Variants in BPIFA1 observed in about 807,000 individuals in gnomAD.
The protein encoded by BPIFA1 is BPI fold containing family A member 1, also known as BPI fold-containing family A member 1.
A neutral mutation model predicts 25.1 loss-of-function variants in BPIFA1; 24 were observed. That is an observed-to-expected ratio of 0.96 (90% confidence interval 0.69 to 1.35). The LOEUF is 1.35. BPIFA1 is among the 40% of genes most tolerant of loss of function. BPIFA1 has a pLI of 0.00. For synonymous variants in BPIFA1, 139 were observed against 131.8 expected, an observed-to-expected ratio of 1.05 and a Z score of -0.37; for missense variants, 344 against 303.7, an observed-to-expected ratio of 1.13 and a Z score of -0.99.
intron 6 of BPIFA1, 138 bp downstream of exon 6, chr20:33,241,607 C>A: frequency 1.3e-6 from 1 of 766,828 alleles, no homozygotes; most frequent in South Asian, 1.6e-5. Flanking sequence ...GTCCATTGAT[C>A]CATCTGTCCA....
chr20:33,237,187 C>T (rs112743405), intron 1 of BPIFA1, among the ~76,000 whole-genome samples: 2,400 of 152,218 alleles, frequency 0.016, 37 homozygotes, highest in African/African-American at 0.038. Context: ...CTCTGTCCAC[C>T]GTGTACTTGT....
chr20:33,239,958 C>A (rs1978879493), intron 4 of BPIFA1, 48 bp downstream of exon 4: 3 of 1,553,040 alleles, frequency 1.9e-6, no homozygotes, highest in African/African-American at 2.7e-5. Flanking sequence ...CCGAGGGAGA[C>A]CCTGGTGACC....
At chr20:33,237,634 C>A (rs1480408056) in intron 1 of BPIFA1, 63 bp from the exon 2 acceptor site, 1 of 1,286,922 alleles carries the variant, frequency 7.8e-7, no homozygotes, top group African/African-American at 1.6e-5. Context: ...GGTGTCAGGG[C>A]AGGTGGTGGA....
rs754843094 is a variant in BPIFA1, at chr20:33,239,805, T to A, written c.323T>A (p.Ile108Lys). The change falls in exon 4 of 9, where the codon ATA (isoleucine) becomes AAA (lysine). Residue 108 changes from isoleucine to lysine, a missense_variant and splice_region_variant. Transcript: ENST00000354297. The stretch of plus-strand genomic sequence containing the variant: ...CTCCAATATTACTCCCTGGACAGCA[T>A]AAAGGTCACTGACCCCCAGCTGCTG... The part of the protein sequence containing the change: ...VIPGLNNIID[I>K]KVTDPQLLEL... The A allele has an allele frequency of 5.0e-6, 8 of 1,613,836 alleles. No individual in the cohort carries two copies. In the South Asian group the frequency reaches 5.5e-5, roughly 11 times the overall value.
At chr20:33,242,702 A>T in intron 8 of BPIFA1, 141 bp downstream of exon 8, 2 of 650,994 alleles carry the variant, frequency 3.1e-6, no homozygotes, top group Admixed American at 5.6e-5. Context: ...GCACAGAGAA[A>T]TCCACAGAAA....
At chr20:33,239,002 A>G (rs1359255201) in intron 3 of BPIFA1, among the ~76,000 whole-genome samples, 1 of 152,154 alleles carries the variant, frequency 6.6e-6, no homozygotes, top group East Asian at 1.9e-4. Flanking sequence ...CCATCTGTAA[A>G]ATATAGATTA....
intron 3 of BPIFA1, among the ~76,000 whole-genome samples, chr20:33,239,395 C>G (rs570993974): frequency 2.6e-4 from 40 of 152,196 alleles, no homozygotes; most frequent in Non-Finnish European, 4.3e-4. Flanking sequence ...GTTATCCATC[C>G]TTCTACCTAA....
chr20:33,242,131 C>A lies in BPIFA1; in HGVS notation c.730+12C>A. 6.2e-7 allele frequency: 1 copy of A among 1,613,186 alleles called. No homozygotes were observed. The highest frequency in any genetic ancestry group is 8.5e-7 in the Non-Finnish European group (1 of 1,179,116). On this transcript the variant is annotated intron_variant, in intron 7 of 8. Coordinates refer to ENST00000354297, the MANE Select transcript of BPIFA1 (RefSeq NM_130852.3). The stretch of plus-strand genomic sequence containing the variant: ...GCATGACATTGTTAGTAAGTACCTG[C>A]TTTCAAGCCCTCTGTCCCTCTCTGC...
At chr20:33,241,285 T>C in intron 5 of BPIFA1, 100 bp from the exon 6 acceptor site, 2 of 1,125,694 alleles carry the variant, frequency 1.8e-6, no homozygotes, top group Non-Finnish European at 2.7e-6. Context: ...TCGGCTTTAG[T>C]GACTGAGTGT....
chr20:33,236,522 C>T (rs1057396157), intron 1 of BPIFA1, among the ~76,000 whole-genome samples: 2 of 152,140 alleles, frequency 1.3e-5, no homozygotes, highest in Non-Finnish European at 2.9e-5. Context: ...CAGCCTTCCA[C>T]CACAAGGATG....
In BPIFA1 at chr20:33,238,121, T is replaced by G; in HGVS notation, c.227T>G (p.Ile76Ser). ...GILENLPLLD[I>S]LKPGGGTSGG... ...CTGGAAAACCTTCCGCTCCTGGACA[T>G]CCTGAAGCCTGGAGGAGGTACTTCT... is the stretch of plus-strand genomic sequence containing the variant. Residue 76 changes from isoleucine (I) to serine (S), a missense_variant, in exon 3 of 9, where the codon ATC becomes AGC. Transcript: ENST00000354297. 1 of 1,613,950 alleles carries G rather than the reference T, an allele frequency of 6.2e-7. No homozygotes were observed. The highest frequency in any genetic ancestry group is 8.5e-7 in the Non-Finnish European group (1 of 1,179,952).
chr20:33,242,415 G>T, intron 7 of BPIFA1, 72 bp from the exon 8 acceptor site: 1 of 1,564,630 alleles, frequency 6.4e-7, no homozygotes. Context: ...CCCCCACCTT[G>T]AGGAATATGG....
intron 7 of BPIFA1, 42 bp from the exon 8 acceptor site, chr20:33,242,445 A>G (rs758663330): frequency 2.5e-5 from 41 of 1,609,956 alleles, no homozygotes; most frequent in African/African-American, 9.3e-5. Context: ...CGTTGAGATC[A>G]TAACTGTCGT....
chr20:33,236,202 A>G (rs1234407127), intron 1 of BPIFA1, among the ~76,000 whole-genome samples, 152 bp downstream of exon 1: 1 of 152,182 alleles, frequency 6.6e-6, no homozygotes, highest in Non-Finnish European at 1.5e-5. Flanking sequence ...GGGGATGGCC[A>G]TTTGCTCTGC....
intron 5 of BPIFA1, 68 bp downstream of exon 5, chr20:33,240,453 A>C (rs1978908115): frequency 4.5e-6 from 7 of 1,570,836 alleles, no homozygotes; most frequent in Non-Finnish European, 6.1e-6. Context: ...GATGATTGGA[A>C]AGCTGAGACA....
chr20:33,242,665 A>G, intron 8 of BPIFA1, 104 bp downstream of exon 8: 4 of 834,158 alleles, frequency 4.8e-6, no homozygotes, highest in Non-Finnish European at 7.8e-6. Context: ...GAAAGAGACA[A>G]ACATCTACAG....
At chr20:33,238,302 G>T in intron 3 of BPIFA1, 88 bp downstream of exon 3, 4 of 1,454,194 alleles carry the variant, frequency 2.8e-6, no homozygotes, top group Non-Finnish European at 3.7e-6. Context: ...CTGAAGCAGC[G>T]ACCCTGAAGC....
At chr20:33,242,023 C>A (rs751115723) in intron 6 of BPIFA1, 33 bp from the exon 7 acceptor site, 1 of 1,601,394 alleles carries the variant, frequency 6.2e-7, no homozygotes, top group Non-Finnish European at 8.6e-7. Flanking sequence ...CAGGGTGCCA[C>A]TCTGCCTAAC....
At chr20:33,237,941 TGTGTGTGTG>T (rs1297560722) in intron 2 of BPIFA1, 70 bp downstream of exon 2, 1 of 1,329,358 alleles carries the variant, frequency 7.5e-7, no homozygotes, top group African/African-American at 1.9e-5. Context: ...TGTGTGTGTG[TGTGTGTGTG>T]TCCAACCCTG....
Sources: allele counts gnomAD v4.1 joint callset (sites outside exome capture counted in the v4.1 genomes callset), GRCh38; gene constraint gnomAD v4.1.1; transcripts MANE v1.5; gene names NCBI Gene and HGNC (gene_info 2026-07-23, HGNC 2026-07-21).